GDPD4: variants seen among roughly 807,000 people sequenced by gnomAD.
GDPD4 encodes glycerophosphodiester phosphodiesterase 6.
In GDPD4, 60 loss-of-function variants were observed where a neutral mutation model predicts 67.8. That is an observed-to-expected ratio of 0.88 (90% confidence interval 0.72 to 1.10). The LOEUF is 1.10. Ranked by LOEUF, GDPD4 falls within the 50% of genes least tolerant of loss-of-function variation. GDPD4 has a pLI of 0.00. For missense variants in GDPD4, 623 were observed against 613.9 expected, an observed-to-expected ratio of 1.01 and a Z score of -0.16; for synonymous variants, 212 against 210.9, an observed-to-expected ratio of 1.00 and a Z score of -0.04.
intron 13 of GDPD4, among the ~76,000 whole-genome samples, chr11:77,235,395 T>G (rs1958542606): frequency 6.6e-6 from 1 of 151,834 alleles, no homozygotes; most frequent in Admixed American, 6.6e-5. Context: ...AAAAATAGTG[T>G]GAGAGGGAAT....
chr11:77,291,470 C>T (rs908029931), intron 1 of GDPD4, among the ~76,000 whole-genome samples: 7 of 152,062 alleles, frequency 4.6e-5, no homozygotes, highest in African/African-American at 1.7e-4. Context: ...AGTAGGGTGA[C>T]TACAGGTAAC....
chr11:77,291,779 C>T (rs1296583133), intron 1 of GDPD4, among the ~76,000 whole-genome samples: 1 of 152,022 alleles, frequency 6.6e-6, no homozygotes, highest in East Asian at 1.9e-4. Context: ...GCCTGTAATC[C>T]CAGCACTTTG....
intron 11 of GDPD4, among the ~76,000 whole-genome samples, chr11:77,248,289 G>A (rs1398939452): frequency 1.4e-5 from 2 of 147,742 alleles, no homozygotes; most frequent in South Asian, 2.2e-4. Flanking sequence ...TTCAACCTCC[G>A]CCTCCCAGGT....
chr11:77,269,158 A>T, intron 8 of GDPD4, 89 bp from the exon 9 acceptor site: 1 of 1,201,102 alleles, frequency 8.3e-7, no homozygotes, highest in African/African-American at 1.5e-5. Flanking sequence ...GTCTGAGTAA[A>T]CCCACAGTCC....
chr11:77,229,172 C>A lies in GDPD4; in HGVS notation c.1450G>T (p.Val484Phe), dbSNP rs548426468. Residue 484 changes from valine to phenylalanine, a missense_variant, in exon 15 of 17, where the codon GTT becomes TTT. Physicochemically the swap from Val to Phe is conservative, Grantham distance 50. Coordinates refer to ENST00000315938, the MANE Select transcript of GDPD4 (RefSeq NM_182833.3). ...TACCAGTGAAAACAAAATATGGCAA[C>A]AATAAAAAGCACAGAAATGATATCT... is the stretch of plus-strand genomic sequence containing the variant. ...LADIISVLFI[V>F]AIFCFHWRRE... 30 of 1,600,974 alleles carry A rather than the reference C, an allele frequency of 1.9e-5. No homozygotes were observed. The highest frequency in any genetic ancestry group is 3.5e-4 in the Middle Eastern group (2 of 5,796).
chr11:77,259,893 A>G (rs1212484361), intron 10 of GDPD4, among the ~76,000 whole-genome samples: 1 of 152,220 alleles, frequency 6.6e-6, no homozygotes, highest in East Asian at 1.9e-4. Flanking sequence ...AAAAGAAAAT[A>G]TTACCAGACA....
At chr11:77,235,941 G>C (rs1003444311) in intron 13 of GDPD4, among the ~76,000 whole-genome samples, 1 of 148,664 alleles carries the variant, frequency 6.7e-6, no homozygotes, top group Admixed American at 6.8e-5. Flanking sequence ...GGGGGACAGA[G>C]CGAGACTTTG....
chr11:77,300,332 A>G (rs980356646), intron 1 of GDPD4, among the ~76,000 whole-genome samples: 2 of 152,294 alleles, frequency 1.3e-5, no homozygotes, highest in Admixed American at 6.5e-5. Flanking sequence ...CCCTTGTCCA[A>G]GTGTGTGCTC....
At position 77,229,145 on chromosome 11, in the gene GDPD4, C is replaced by T; in HGVS notation, c.1472+5G>A. ...AAATTCATTTAAAATTATATATATA[C>T]TTACCAGTGAAAACAAAATATGGCA... is the stretch of plus-strand genomic sequence containing the variant. On this transcript the variant is annotated splice_donor_5th_base_variant and intron_variant, in intron 15 of 16. Coordinates refer to ENST00000315938, the MANE Select transcript of GDPD4 (RefSeq NM_182833.3). The T allele has an allele frequency of 6.9e-7, 1 of 1,440,000 alleles. No individual in the cohort carries two copies. The highest frequency in any genetic ancestry group is 1.2e-5 in the South Asian group (1 of 82,974). 89.2% of individuals were successfully genotyped at this position (1,440,000 alleles called of 1,614,324 possible). A position where few individuals can be genotyped will look rare whatever the true frequency, so the allele number is the denominator to read the frequency against.
Position 77,276,145 on chromosome 11 carries a change from G to T in GDPD4, c.207+16C>A. ...GTCCTGGTCTAAGGTTTCCTATGTG[G>T]ACTCAGATGTCCTACCTTATGACAC... is the stretch of plus-strand genomic sequence containing the variant. On this transcript the variant is annotated intron_variant, in intron 5 of 16. Coordinates refer to ENST00000315938, the MANE Select transcript of GDPD4 (RefSeq NM_182833.3). 1 of 1,601,910 alleles carries T rather than the reference G, an allele frequency of 6.2e-7. No individual in the cohort carries two copies. Among genetic ancestry groups the T allele is most frequent in the South Asian group, 1.1e-5 (1 of 90,786 alleles).
intron 10 of GDPD4, among the ~76,000 whole-genome samples, chr11:77,265,080 C>T (rs1034814314): frequency 1.3e-4 from 20 of 152,096 alleles, no homozygotes; most frequent in Non-Finnish European, 2.5e-4. Flanking sequence ...TCTCTGCCCC[C>T]GCACACCCCT....
chr11:77,219,316 C>T (rs1373461184), intron 16 of GDPD4, among the ~76,000 whole-genome samples: 1 of 152,202 alleles, frequency 6.6e-6, no homozygotes. Context: ...CAAAAATTTT[C>T]TCCCATTCTG....
intron 11 of GDPD4, among the ~76,000 whole-genome samples, chr11:77,252,375 A>C (rs994429015): frequency 7.2e-5 from 11 of 151,760 alleles, no homozygotes; most frequent in African/African-American, 2.7e-4. Context: ...GTTCTTTTTT[A>C]CTGTATCTAT....
rs1959193227 is a variant in GDPD4, at chr11:77,269,079, T to G, written c.479-10A>C. 2 of 1,611,302 alleles carry G rather than the reference T, an allele frequency of 1.2e-6. No homozygotes were observed. The highest frequency in any genetic ancestry group is 3.4e-5 in the Admixed American group (2 of 59,410). ...ACAGGCACTTGTAGACCTGAAAAAT[T>G]TGAAAGGAAGGGGAAGTGGGGGAAA... On this transcript the variant is annotated splice_polypyrimidine_tract_variant and intron_variant, in intron 8 of 16. Coordinates refer to ENST00000315938, the MANE Select transcript of GDPD4 (RefSeq NM_182833.3).
rs111957795 is a variant in GDPD4, at chr11:77,252,891, T to C, written c.864+5495A>G. 2.0e-5 allele frequency among the ~76,000 whole-genome samples: 3 copies of C among 152,222 alleles called. No homozygotes were observed. In the East Asian group the frequency reaches 5.8e-4, roughly 29 times the overall value. ...GTCCTTGGTCCACAAATGCTTTTGG[T>C]GTTCTCCAATTCTTGTTTTCCCTAC... On this transcript the variant is annotated intron_variant, in intron 11 of 16. Coordinates refer to ENST00000315938, the MANE Select transcript of GDPD4 (RefSeq NM_182833.3).
At chr11:77,284,168 A>G (rs1565542738) in intron 3 of GDPD4, among the ~76,000 whole-genome samples, 1 of 152,334 alleles carries the variant, frequency 6.6e-6, no homozygotes, top group South Asian at 2.1e-4. Flanking sequence ...GGACACACAT[A>G]TAATGCCTAA....
chr11:77,245,985 T>C (rs1565519208), intron 11 of GDPD4, among the ~76,000 whole-genome samples: 1 of 152,218 alleles, frequency 6.6e-6, no homozygotes, highest in Admixed American at 6.5e-5. Context: ...AGCTTTCCTT[T>C]AATCTTCCTG....
chr11:77,241,041 A>C (rs1944028), intron 13 of GDPD4, among the ~76,000 whole-genome samples: 14,850 of 152,220 alleles, frequency 0.098, 2,460 homozygotes, highest in African/African-American at 0.34. Context: ...TAAAAATAGA[A>C]CTAACATACA....
chr11:77,294,772 T>C (rs1937892751), intron 1 of GDPD4, among the ~76,000 whole-genome samples: 1 of 152,026 alleles, frequency 6.6e-6, no homozygotes, highest in African/African-American at 2.4e-5. Flanking sequence ...CAAGATAGCG[T>C]GGAATCAGCA....
Sources: allele counts gnomAD v4.1 joint callset (sites outside exome capture counted in the v4.1 genomes callset), GRCh38; gene constraint gnomAD v4.1.1; transcripts MANE v1.5; gene names NCBI Gene and HGNC (gene_info 2026-07-23, HGNC 2026-07-21).